Variants in DLG2 observed in about 807,000 individuals in gnomAD.
DLG2 encodes the protein discs large MAGUK scaffold protein 2.
DLG2 carries 45 observed loss-of-function variants against 132.5 expected under a neutral mutation model. The ratio of observed to expected loss-of-function variants is 0.34; its 90% confidence interval spans 0.27 to 0.44. The LOEUF (loss-of-function observed/expected upper bound fraction) is 0.44, where lower values mean the gene tolerates loss of function less well. Ranked by LOEUF, DLG2 falls within the 20% of genes least tolerant of loss-of-function variation. The pLI is 1.00. For missense variants in DLG2, 1,045 were observed against 1,196.9 expected, an observed-to-expected ratio of 0.87 and a Z score of 1.87; for synonymous variants, 424 against 419.6, an observed-to-expected ratio of 1.01 and a Z score of -0.13.
chr11:84,124,899 G>A (rs191214026), intron 9 of DLG2, among the ~76,000 whole-genome samples: 1 of 133,140 alleles, frequency 7.5e-6, no homozygotes, highest in Admixed American at 9.2e-5. Flanking sequence ...TGCCCAGGCT[G>A]GAGTGCAATG....
intron 17 of DLG2, among the ~76,000 whole-genome samples, chr11:83,808,635 A>G (rs933921403): frequency 4.6e-5 from 7 of 152,136 alleles, no homozygotes; most frequent in Admixed American, 3.3e-4. Context: ...ATAATTCTGC[A>G]TTCTTTAAAT....
intron 9 of DLG2, among the ~76,000 whole-genome samples, chr11:84,116,385 A>G (rs1465025039): frequency 2.0e-5 from 3 of 152,252 alleles, no homozygotes; most frequent in Non-Finnish European, 2.9e-5. Flanking sequence ...TAATAAAGAC[A>G]TATCTGAGAC....
chr11:83,714,697 A>C (rs890719978), intron 18 of DLG2, among the ~76,000 whole-genome samples: 6 of 152,256 alleles, frequency 3.9e-5, no homozygotes, highest in Non-Finnish European at 7.3e-5. Context: ...TGAGAGGATC[A>C]GTTAACTCAC....
intron 14 of DLG2, among the ~76,000 whole-genome samples, chr11:83,945,521 A>G (rs1252585649): frequency 6.6e-6 from 1 of 152,234 alleles, no homozygotes; most frequent in African/African-American, 2.4e-5. Context: ...GAGCTCTGAG[A>G]GAAAAGGCAG....
At chr11:84,616,371 TTGAAA>T (rs1369791847) in intron 6 of DLG2, among the ~76,000 whole-genome samples, 1 of 152,134 alleles carries the variant, frequency 6.6e-6, no homozygotes, top group African/African-American at 2.4e-5. Context: ...AACAAAGTAC[TTGAAA>T]TGAAATAATT....
At chr11:84,844,131 G>GTATA (rs1566125410) in intron 6 of DLG2, among the ~76,000 whole-genome samples, 15 of 26,356 alleles carry the variant, frequency 5.7e-4, no homozygotes, top group African/African-American at 1.6e-3. Context: ...GTGTGTGTGT[G>GTATA]TGTGTATATA....
chr11:84,236,475 A>G (rs1432276442), intron 8 of DLG2, among the ~76,000 whole-genome samples: 1 of 152,202 alleles, frequency 6.6e-6, no homozygotes, highest in Non-Finnish European at 1.5e-5. Flanking sequence ...TTCTTCTCTC[A>G]GTATTTTTGG....
At chr11:85,256,210 A>G (rs2152705439) in intron 4 of DLG2, among the ~76,000 whole-genome samples, 1 of 152,304 alleles carries the variant, frequency 6.6e-6, no homozygotes. Context: ...GATGAACAGA[A>G]GAGCAGAAGA....
At chr11:83,701,573 A>T (rs568776952) in intron 18 of DLG2, among the ~76,000 whole-genome samples, 23 of 152,362 alleles carry the variant, frequency 1.5e-4, no homozygotes, top group African/African-American at 5.5e-4. Flanking sequence ...GAAGATGAAC[A>T]AAGAAGGCTG....
intron 18 of DLG2, among the ~76,000 whole-genome samples, chr11:83,680,850 A>G (rs755793669): frequency 2.6e-5 from 4 of 151,980 alleles, no homozygotes; most frequent in African/African-American, 9.7e-5. Flanking sequence ...TTATGCAAAA[A>G]ATAAAGCAAT....
intron 16 of DLG2, among the ~76,000 whole-genome samples, chr11:83,849,334 A>C (rs1458037828): frequency 7.1e-6 from 1 of 140,990 alleles, no homozygotes; most frequent in African/African-American, 2.9e-5. Flanking sequence ...TAAATTAATA[A>C]ATAATAAACA....
At chr11:85,432,426 T>C (rs1181320099) in intron 3 of DLG2, among the ~76,000 whole-genome samples, 1 of 152,128 alleles carries the variant, frequency 6.6e-6, no homozygotes, top group African/African-American at 2.4e-5. Context: ...GCAAAGAAGC[T>C]AAGAACCTTG....
rs1258663183 is a variant in DLG2 at position 83,830,126 on chromosome 11, G to GA, written c.1722+3487dup. Among the ~76,000 whole-genome samples the GA allele has an allele frequency of 2.0e-5, 3 of 152,128 alleles. No individual in the cohort carries two copies. In the East Asian group the frequency reaches 5.8e-4, roughly 29 times the overall value. On this transcript the variant is annotated intron_variant, in intron 17 of 27. Coordinates refer to ENST00000376104, the MANE Select transcript of DLG2 (RefSeq NM_001142699.3). ...AAATGTTCCCTCTTCTTTCTCAACT[G>GA]AAAAAAGCAGATAATATTTTCCTCA...
intron 6 of DLG2, among the ~76,000 whole-genome samples, chr11:84,743,964 T>C (rs1354296343): frequency 1.3e-5 from 2 of 152,116 alleles, no homozygotes; most frequent in Admixed American, 6.5e-5. Context: ...GACCTCGTGA[T>C]CCACCTGTCT....
chr11:85,215,087 A>T (rs1565169594), intron 4 of DLG2, among the ~76,000 whole-genome samples: 1 of 152,234 alleles, frequency 6.6e-6, no homozygotes, highest in Non-Finnish European at 1.5e-5. Context: ...ACTGAAATAA[A>T]AATTCCAAGA....
intron 3 of DLG2, among the ~76,000 whole-genome samples, chr11:85,394,589 A>C (rs896235452): frequency 6.6e-6 from 1 of 152,242 alleles, no homozygotes; most frequent in African/African-American, 2.4e-5. Context: ...GACTTCTCAA[A>C]AGACTGAGAA....
chr11:84,314,189 A>G (rs1371679551), intron 7 of DLG2, among the ~76,000 whole-genome samples: 2 of 152,042 alleles, frequency 1.3e-5, no homozygotes, highest in African/African-American at 2.4e-5. Flanking sequence ...ATGCTTAACA[A>G]CTCTCTGGCA....
chr11:84,303,402 A>T lies in DLG2; in HGVS notation c.520-52111T>A, dbSNP rs1056719532. Among the ~76,000 whole-genome samples, 5 of 152,220 alleles carry T rather than the reference A, an allele frequency of 3.3e-5. No individual in the cohort carries two copies. The South Asian group carries it at 6.2e-4, about 19-fold the overall frequency. On this transcript the variant is annotated intron_variant, in intron 7 of 27. Coordinates refer to ENST00000376104, the MANE Select transcript of DLG2 (RefSeq NM_001142699.3). Reference sequence around the variant, plus strand: ...AAATGTGTTCAATCATAGATTTTTTATGCAATGGTGGTAACTACTGTACTC... The same window carrying T: ...AAATGTGTTCAATCATAGATTTTTTTTGCAATGGTGGTAACTACTGTACTC...
rs560973611 is a variant in DLG2, at chr11:83,663,631, G to C, written c.1826-30306C>G. Among the ~76,000 whole-genome samples, 154 of 152,258 alleles carry C rather than the reference G, an allele frequency of 1.0e-3. 1 individual carries two copies. The highest frequency in any genetic ancestry group is 8.9e-3 in the South Asian group (43 of 4,820). ...AATGAAAGTTCACTGGTTTTGTTCCGCCAGACATTCCTTTGCAGATTGTAT... is the reference window on the plus strand; with the variant it reads ...AATGAAAGTTCACTGGTTTTGTTCCCCCAGACATTCCTTTGCAGATTGTAT... On this transcript the variant is annotated intron_variant, in intron 18 of 27. Transcript: ENST00000376104.
Sources: gnomAD v4.1 joint callset for allele counts (sites outside exome capture counted in the v4.1 genomes callset) on GRCh38, gnomAD v4.1.1 for gene constraint, MANE v1.5 for transcripts, NCBI Gene and HGNC (gene_info 2026-07-23, HGNC 2026-07-21) for gene names.